The following EIF4G3 variants were observed in gnomAD, a reference collection of about 807,000 sequenced individuals.
EIF4G3 encodes eIF-4-gamma 3.
EIF4G3 carries 34 observed loss-of-function variants against 186.4 expected under a neutral mutation model. The ratio of observed to expected loss-of-function variants is 0.18; its 90% CI spans 0.14 to 0.24. The LOEUF (loss-of-function observed/expected upper bound fraction) is 0.24. Ranked by LOEUF, EIF4G3 falls within the 10% of genes least tolerant of loss-of-function variation. The pLI, the probability that EIF4G3 is intolerant of heterozygous loss-of-function variation, is 1.00. For synonymous variants in EIF4G3, 673 were observed against 679.5 expected (o/e 0.99, Z 0.15); for missense variants, 1,536 against 1,948.5 (o/e 0.79, Z 3.99).
At chr1:21,038,783 CTTTATTA>C (rs2093390029) in intron 4 of EIF4G3, among the ~76,000 whole-genome samples, 1 of 68,772 alleles carries the variant, frequency 1.5e-5, no homozygotes, top group African/African-American at 4.1e-5. Context: ...TGTATAAGTT[CTTTATTA>C]AGGTGAATAC....
At chr1:21,055,447 A>G (rs2094519426) in intron 3 of EIF4G3, among the ~76,000 whole-genome samples, 1 of 152,150 alleles carries the variant, frequency 6.6e-6, no homozygotes, top group African/African-American at 2.4e-5. Flanking sequence ...AAAAATATTA[A>G]AATACATTGT....
intron 12 of EIF4G3, among the ~76,000 whole-genome samples, chr1:20,950,647 T>C (rs1262007231): frequency 6.6e-6 from 1 of 152,186 alleles, no homozygotes; most frequent in African/African-American, 2.4e-5. Context: ...TTTGAAAGTA[T>C]GTAATAAAGC....
chr1:21,176,193 T>A lies in EIF4G3; in HGVS notation c.-290A>T. On this transcript the variant is annotated 5_prime_UTR_variant, in exon 2 of 37. Transcript: ENST00000602326. ...AGGATACTGTTGGGGCGCCTGAGTC[T>A]GGAGGGCCCTGATGTTCGGGTGAGG... 1 of 411,430 alleles carries A rather than the reference T, an allele frequency of 2.4e-6. No homozygotes were observed. The highest frequency in any genetic ancestry group is 4.3e-6 in the Non-Finnish European group (1 of 235,172). 25.5% of individuals were successfully genotyped at this position (411,430 alleles called of 1,614,324 possible).
intron 20 of EIF4G3, among the ~76,000 whole-genome samples, chr1:20,869,337 A>G (rs2078467845): frequency 7.8e-6 from 1 of 127,728 alleles, no homozygotes. Context: ...TTTTGGAGAC[A>G]GTGTCTCCCT....
chr1:21,042,578 G>C (rs187264762), intron 4 of EIF4G3, among the ~76,000 whole-genome samples: 2 of 152,196 alleles, frequency 1.3e-5, no homozygotes, highest in African/African-American at 4.8e-5. Context: ...AAACAGTCCT[G>C]AATCAAGCTT....
chr1:20,853,411 A>T (rs1392348056), intron 27 of EIF4G3, 149 bp downstream of exon 27: 4 of 550,840 alleles, frequency 7.3e-6, no homozygotes, highest in Non-Finnish European at 1.3e-5. Context: ...CTATCTTAGA[A>T]ATTATAGTGT....
At chr1:21,104,738 G>A (rs2096585350) in intron 2 of EIF4G3, among the ~76,000 whole-genome samples, 1 of 152,174 alleles carries the variant, frequency 6.6e-6, no homozygotes, top group East Asian at 1.9e-4. Flanking sequence ...AATATAAATC[G>A]TTCTACTAAA....
chr1:20,848,889 A>T (rs1437957599), intron 29 of EIF4G3, among the ~76,000 whole-genome samples: 5 of 151,892 alleles, frequency 3.3e-5, no homozygotes, highest in Non-Finnish European at 1.5e-5. Context: ...TCTACTAAAA[A>T]TACAAAAATT....
At chr1:21,092,147 T>C (rs1572413903) in intron 2 of EIF4G3, among the ~76,000 whole-genome samples, 2 of 152,216 alleles carry the variant, frequency 1.3e-5, no homozygotes, top group Admixed American at 6.5e-5. Flanking sequence ...ATAGCTCTTA[T>C]TATTTTGAGA....
intron 7 of EIF4G3, among the ~76,000 whole-genome samples, chr1:20,982,948 T>C (rs933791592): frequency 2.6e-5 from 4 of 152,204 alleles, no homozygotes; most frequent in Non-Finnish European, 5.9e-5. Context: ...AATGGAGAAC[T>C]ATAATAACAA....
chr1:20,857,008 A>C (rs2075106653), intron 25 of EIF4G3, among the ~76,000 whole-genome samples: 1 of 151,836 alleles, frequency 6.6e-6, no homozygotes, highest in Admixed American at 6.6e-5. Flanking sequence ...TAAAAAATAC[A>C]AAAAATTAGC....
At chr1:21,146,132 T>C (rs1001485375) in intron 2 of EIF4G3, among the ~76,000 whole-genome samples, 13 of 151,970 alleles carry the variant, frequency 8.6e-5, no homozygotes, top group African/African-American at 3.1e-4. Context: ...GGTTGGAGGA[T>C]TACTTGAGCC....
At chr1:20,887,610 G>C (rs1250294155) in intron 18 of EIF4G3, among the ~76,000 whole-genome samples, 1 of 150,604 alleles carries the variant, frequency 6.6e-6, no homozygotes, top group Non-Finnish European at 1.5e-5. Context: ...ATCCAGCTAA[G>C]GATACAGTAC....
intron 14 of EIF4G3, among the ~76,000 whole-genome samples, chr1:20,936,879 G>A (rs771379814): frequency 3.3e-5 from 5 of 152,028 alleles, no homozygotes; most frequent in East Asian, 3.9e-4. Flanking sequence ...ACATATAATC[G>A]TATCTCCATT....
chr1:21,015,104 A>G (rs1441559048), intron 4 of EIF4G3, among the ~76,000 whole-genome samples: 1 of 152,122 alleles, frequency 6.6e-6, no homozygotes, highest in African/African-American at 2.4e-5. Context: ...GAAAAGAAAC[A>G]AATTCTGGAG....
At chr1:20,808,538 G>A (rs1461970398) in intron 36 of EIF4G3, among the ~76,000 whole-genome samples, 2 of 151,952 alleles carry the variant, frequency 1.3e-5, no homozygotes, top group Admixed American at 6.6e-5. Flanking sequence ...AAAATTAGCC[G>A]GGCATGGTGG....
chr1:21,080,354 T>G (rs915227696), intron 3 of EIF4G3, among the ~76,000 whole-genome samples: 1 of 151,512 alleles, frequency 6.6e-6, no homozygotes, highest in Admixed American at 6.6e-5. Flanking sequence ...GAAAATAAAT[T>G]TTATGGCATT....
At chr1:20,935,864 T>A (rs1223002922) in intron 14 of EIF4G3, among the ~76,000 whole-genome samples, 2 of 152,332 alleles carry the variant, frequency 1.3e-5, no homozygotes, top group South Asian at 2.1e-4. Context: ...GCTGACTGAA[T>A]TACCTTCTCT....
rs541414406 is a variant in EIF4G3 at position 21,171,844 on chromosome 1, T to A, written c.-272+4331A>T. On this transcript the variant is annotated intron_variant, in intron 2 of 36. Coordinates refer to ENST00000602326, the MANE Select transcript of EIF4G3 (RefSeq NM_001391906.1). ...GAAAGAGCCAAACTCAAAACCAGAT[T>A]TTTTGCCTCCAAATCAGGTACACTT... Among the ~76,000 whole-genome samples the A allele has an allele frequency of 6.6e-5, 10 of 152,200 alleles. No homozygotes were observed. The East Asian group carries it at 1.7e-3, about 26-fold the overall frequency.
Sources: gnomAD v4.1 joint callset for allele counts (sites outside exome capture counted in the v4.1 genomes callset) on GRCh38, gnomAD v4.1.1 for gene constraint, MANE v1.5 for transcripts, NCBI Gene and HGNC (gene_info 2026-07-23, HGNC 2026-07-21) for gene names.